Variants in HMGN3 observed in about 807,000 individuals in gnomAD.
The protein encoded by HMGN3 is high mobility group nucleosomal binding domain 3.
HMGN3 carries 6 observed loss-of-function variants against 18.8 expected under a neutral mutation model. That is an observed-to-expected ratio of 0.32 (90% CI 0.18 to 0.63). The LOEUF (loss-of-function observed/expected upper bound fraction) is 0.63. Ranked by LOEUF, HMGN3 falls within the 30% of genes least tolerant of loss-of-function variation. The pLI is 0.79. For missense variants in HMGN3, 107 were observed against 114.2 expected (o/e 0.94, Z 0.29); for synonymous variants, 40 against 36.5 (o/e 1.10, Z -0.35).
chr6:79,216,515 T>G (rs1776990353), intron 1 of HMGN3, among the ~76,000 whole-genome samples: 1 of 152,212 alleles, frequency 6.6e-6, no homozygotes, highest in South Asian at 2.1e-4. Flanking sequence ...CTCTATTCCC[T>G]AGAGCTGCCC....
chr6:79,208,904 C>T (rs1302327834), intron 2 of HMGN3, among the ~76,000 whole-genome samples: 1 of 152,198 alleles, frequency 6.6e-6, no homozygotes, highest in Non-Finnish European at 1.5e-5. Flanking sequence ...ACAAAATCAA[C>T]AGCAAGAACA....
intron 4 of HMGN3, among the ~76,000 whole-genome samples, chr6:79,202,894 A>G (rs1776215390): frequency 6.6e-6 from 1 of 152,152 alleles, no homozygotes; most frequent in Non-Finnish European, 1.5e-5. Context: ...TTTAAGACCA[A>G]ACAACAAAAG....
chr6:79,230,765 A>C lies in HMGN3; in HGVS notation c.15+3781T>G, dbSNP rs546047186. Reference sequence around the variant, plus strand: ...TTTTTTCCCAGTTTTTCATAAATTTAAAAATTTTGTTAACAGTTTTTTTTC... The same window carrying C: ...TTTTTTCCCAGTTTTTCATAAATTTCAAAATTTTGTTAACAGTTTTTTTTC... On this transcript the variant is annotated intron_variant, in intron 1 of 5. Coordinates refer to ENST00000344726, the Ensembl canonical transcript of HMGN3. Among the ~76,000 whole-genome samples the C allele has an allele frequency of 1.3e-3, 205 of 152,348 alleles. 4 individuals carry two copies. Among genetic ancestry groups the C allele is most frequent in the Non-Finnish European group, 2.5e-3 (168 of 68,020 alleles).
intron 1 of HMGN3, among the ~76,000 whole-genome samples, chr6:79,229,282 A>C (rs1281625838): frequency 1.3e-5 from 2 of 152,210 alleles, no homozygotes; most frequent in African/African-American, 2.4e-5. Flanking sequence ...AACTGGGAGA[A>C]TATATCTACG....
intron 1 of HMGN3, among the ~76,000 whole-genome samples, chr6:79,228,875 G>GC (rs1777693105): frequency 6.6e-6 from 1 of 152,208 alleles, no homozygotes; most frequent in Non-Finnish European, 1.5e-5. Context: ...AGCCAAGATA[G>GC]TGTAGCACTG....
intron 1 of HMGN3, among the ~76,000 whole-genome samples, chr6:79,220,777 C>A (rs1777242478): frequency 6.6e-6 from 1 of 151,898 alleles, no homozygotes; most frequent in African/African-American, 2.4e-5. Context: ...ATGCACAAAT[C>A]AATATTATGG....
chr6:79,216,840 T>C (rs963436823), intron 1 of HMGN3, among the ~76,000 whole-genome samples: 7 of 152,170 alleles, frequency 4.6e-5, no homozygotes, highest in African/African-American at 1.7e-4. Context: ...AGACCCTTGG[T>C]TGTCTAGGAG....
intron 2 of HMGN3, among the ~76,000 whole-genome samples, chr6:79,214,614 T>G (rs1279727648): frequency 6.6e-6 from 1 of 152,216 alleles, no homozygotes; most frequent in African/African-American, 2.4e-5. Context: ...AGTCTTTCAT[T>G]TTCTTGCTGT....
chr6:79,226,530 T>C (rs1777576366), intron 1 of HMGN3, among the ~76,000 whole-genome samples: 1 of 152,346 alleles, frequency 6.6e-6, no homozygotes, highest in Admixed American at 6.5e-5. Context: ...AATTATAGTA[T>C]ATACTTCTCT....
At chr6:79,219,324 C>T (rs1227250217) in intron 1 of HMGN3, among the ~76,000 whole-genome samples, 4 of 152,040 alleles carry the variant, frequency 2.6e-5, no homozygotes, top group African/African-American at 7.2e-5. Context: ...AGGAAAACTG[C>T]CAACCTAGAA....
rs148572253 is a variant in HMGN3, at chr6:79,223,327, C to T, written c.16-8305G>A. 4.3e-3 allele frequency among the ~76,000 whole-genome samples: 658 copies of T among 152,190 alleles called. 3 individuals carry two copies. The highest frequency in any genetic ancestry group is 0.024 in the Middle Eastern group (7 of 294). On this transcript the variant is annotated intron_variant, in intron 1 of 5. Transcript: ENST00000344726. ...GAGATGGAGATCATCCTGGCTGACA[C>T]GGTGAAACCCCATCTCTACTAAATA...
intron 1 of HMGN3, chr6:79,234,013 G>A (rs1322644297): frequency 1.3e-5 from 2 of 153,192 alleles, no homozygotes; most frequent in African/African-American, 4.8e-5. Flanking sequence ...CAGCGGAGGC[G>A]AGCAGGAGGG....
At chr6:79,233,066 G>C (rs1217765579) in intron 1 of HMGN3, among the ~76,000 whole-genome samples, 1 of 152,108 alleles carries the variant, frequency 6.6e-6, no homozygotes, top group Admixed American at 6.5e-5. Flanking sequence ...CCACCCTTTC[G>C]TAAGTGAGTA....
At chr6:79,204,709 G>T (rs1415616227) in intron 3 of HMGN3, among the ~76,000 whole-genome samples, 2 of 152,188 alleles carry the variant, frequency 1.3e-5, no homozygotes, top group East Asian at 3.9e-4. Flanking sequence ...TTTCATCAAG[G>T]GCATAAAGTG....
intron 1 of HMGN3, among the ~76,000 whole-genome samples, chr6:79,232,979 C>T (rs938572358): frequency 6.6e-6 from 1 of 152,178 alleles, no homozygotes; most frequent in Admixed American, 6.5e-5. Context: ...TAATAAATCT[C>T]AAGTATTAGT....
intron 1 of HMGN3, among the ~76,000 whole-genome samples, chr6:79,227,120 T>C (rs576186882): frequency 5.6e-4 from 85 of 152,304 alleles, no homozygotes; most frequent in African/African-American, 1.8e-3. Flanking sequence ...TTCCAAATTG[T>C]ACCCTGCAGG....
chr6:79,202,376 G>A, exon 5 of HMGN3: 1 of 1,613,512 alleles, frequency 6.2e-7, no homozygotes, highest in Non-Finnish European at 8.5e-7. Flanking sequence ...GCTAATCTTT[G>A]CTCCAGGTTC....
At chr6:79,233,466 C>T (rs1777958729) in intron 1 of HMGN3, among the ~76,000 whole-genome samples, 1 of 152,186 alleles carries the variant, frequency 6.6e-6, no homozygotes. Flanking sequence ...TAAAGCAAGA[C>T]ATTAGGTGTA....
intron 5 of HMGN3, 151 bp downstream of exon 6, chr6:79,201,912 T>A: frequency 6.9e-7 from 1 of 1,440,808 alleles, no homozygotes; most frequent in Non-Finnish European, 9.1e-7. Context: ...ACAAACACTT[T>A]GTTTCATTTA....
Sources: gnomAD v4.1 joint callset for allele counts (sites outside exome capture counted in the v4.1 genomes callset) on GRCh38, gnomAD v4.1.1 for gene constraint, MANE v1.5 for transcripts, NCBI Gene and HGNC (gene_info 2026-07-23, HGNC 2026-07-21) for gene names.